Variants in ARHGEF3 observed in about 807,000 individuals in gnomAD.
The protein encoded by ARHGEF3 is Rho guanine nucleotide exchange factor 3.
Under a neutral mutation model 63.2 loss-of-function variants are expected in ARHGEF3, and 28 were observed. That is an observed-to-expected ratio of 0.44 (90% CI 0.33 to 0.61). The LOEUF (loss-of-function observed/expected upper bound fraction) is 0.61. Among genes scored for constraint, ARHGEF3 ranks in the 20% least tolerant of loss-of-function variants. The pLI is 0.03. For synonymous variants in ARHGEF3, 266 were observed against 254.2 expected (o/e 1.05, Z -0.44); for missense variants, 533 against 659.3 (o/e 0.81, Z 2.10).
intron 2 of ARHGEF3, among the ~76,000 whole-genome samples, chr3:57,028,930 A>G (rs1253319741): frequency 6.6e-6 from 1 of 151,410 alleles, no homozygotes; most frequent in Non-Finnish European, 1.5e-5. Context: ...ATCTTCCAAG[A>G]TGTTTTCCAA....
At position 56,935,583 on chromosome 3, in the gene ARHGEF3, A is replaced by G. The variant is rs966465638; in HGVS notation, c.129+23240T>C. Among the ~76,000 whole-genome samples the G allele has an allele frequency of 2.6e-5, 4 of 152,088 alleles. No homozygotes were observed. In the South Asian group the frequency reaches 6.2e-4, roughly 24 times the overall value. ...CTGAGCCCAGCGAGACTACAAGCCC[A>G]CCGGGAGGAACGAACAACTCCAGAC... On this transcript the variant is annotated intron_variant, in intron 3 of 12. Coordinates refer to the ARHGEF3 transcript ENST00000338458.
chr3:57,043,507 C>A (rs1056660057), intron 1 of ARHGEF3, among the ~76,000 whole-genome samples: 10 of 125,138 alleles, frequency 8.0e-5, no homozygotes, highest in Non-Finnish European at 1.4e-4. Context: ...AAAAAAAAAA[C>A]CCTGAGCATT....
chr3:56,987,667 G>A (rs1478525292), intron 2 of ARHGEF3, among the ~76,000 whole-genome samples: 1 of 152,124 alleles, frequency 6.6e-6, no homozygotes, highest in Non-Finnish European at 1.5e-5. Flanking sequence ...CCTGGTAGAA[G>A]CAGAGTTGAT....
chr3:56,768,667 C>CAAAAAAAAAAAAAA (rs770390697), intron 2 of ARHGEF3, among the ~76,000 whole-genome samples: 5 of 44,022 alleles, frequency 1.1e-4, no homozygotes, highest in Admixed American at 2.1e-4. Context: ...AAGCAAAATG[C>CAAAAAAAAAAAAAA]AAAAAAAAAA....
intron 1 of ARHGEF3, among the ~76,000 whole-genome samples, chr3:57,062,069 C>T (rs1353587455): frequency 6.6e-6 from 1 of 152,092 alleles, no homozygotes; most frequent in Non-Finnish European, 1.5e-5. Flanking sequence ...CAGGGATGCT[C>T]CACTGGATTG....
intron 3 of ARHGEF3, among the ~76,000 whole-genome samples, chr3:56,936,537 T>G (rs1698912043): frequency 6.6e-6 from 1 of 152,170 alleles, no homozygotes; most frequent in African/African-American, 2.4e-5. Flanking sequence ...GTGTGCCTCT[T>G]AATAAGATGC....
chr3:56,733,844 C>T (rs548714445), intron 8 of ARHGEF3, among the ~76,000 whole-genome samples: 5 of 151,704 alleles, frequency 3.3e-5, no homozygotes, highest in East Asian at 3.9e-4. Flanking sequence ...ATTAGCGAGG[C>T]GCGGTGGCAG....
chr3:56,997,283 T>A (rs538430863), intron 2 of ARHGEF3, among the ~76,000 whole-genome samples: 4 of 152,252 alleles, frequency 2.6e-5, no homozygotes, highest in East Asian at 3.9e-4. Flanking sequence ...CAACTCTCAA[T>A]TCAGACTTCT....
rs147242229 is a variant in ARHGEF3, at chr3:56,923,388, C to T, written c.129+35435G>A. On this transcript the variant is annotated intron_variant, in intron 3 of 12. Transcript: ENST00000338458. ...CAGAAGAGGAAATTTTTTGGTGTAACGATGGAAACTGGTTCAAATTTTCCT... is the reference window on the plus strand; with the variant it reads ...CAGAAGAGGAAATTTTTTGGTGTAATGATGGAAACTGGTTCAAATTTTCCT... Among the ~76,000 whole-genome samples the T allele has an allele frequency of 6.0e-5, 9 of 150,424 alleles. No homozygotes were observed. The East Asian group carries it at 1.4e-3, about 23-fold the overall frequency.
chr3:57,038,139 C>A (rs1201053802), intron 1 of ARHGEF3, among the ~76,000 whole-genome samples: 1 of 152,194 alleles, frequency 6.6e-6, no homozygotes, highest in Non-Finnish European at 1.5e-5. Context: ...AATAATAAAG[C>A]TGAGACTGGA....
chr3:57,009,021 A>G (rs965649549), intron 2 of ARHGEF3, among the ~76,000 whole-genome samples: 1 of 152,232 alleles, frequency 6.6e-6, no homozygotes, highest in Non-Finnish European at 1.5e-5. Context: ...CCCATGGGCT[A>G]GCATTCTCAA....
rs187059560 is a variant in ARHGEF3, at chr3:56,819,681, T to C, written c.193-45865A>G. 3.2e-3 allele frequency among the ~76,000 whole-genome samples: 486 copies of C among 151,612 alleles called. 1 individual carries two copies. Among genetic ancestry groups the C allele is most frequent in the Non-Finnish European group, 4.0e-3 (273 of 67,876 alleles). On this transcript the variant is annotated intron_variant, in intron 4 of 12. Transcript: ENST00000338458. ...TGCACCACCATGCCTGGCTAATTTTTATTTACTTATTTATTTTTTGTAGAA... is the reference window on the plus strand; with the variant it reads ...TGCACCACCATGCCTGGCTAATTTTCATTTACTTATTTATTTTTTGTAGAA...
intron 2 of ARHGEF3, among the ~76,000 whole-genome samples, chr3:56,766,404 G>A (rs2035704922): frequency 1.3e-5 from 2 of 152,198 alleles, no homozygotes; most frequent in African/African-American, 4.8e-5. Flanking sequence ...GCTACAACTG[G>A]GGGAGGGGAC....
intron 7 of ARHGEF3, among the ~76,000 whole-genome samples, chr3:56,739,637 C>A (rs539985375): frequency 6.6e-6 from 1 of 151,988 alleles, no homozygotes; most frequent in South Asian, 2.1e-4. Context: ...TAGACTCAAG[C>A]GATCTGCCTG....
At chr3:56,798,432 T>A (rs1034993314) in intron 1 of ARHGEF3, among the ~76,000 whole-genome samples, 2 of 152,130 alleles carry the variant, frequency 1.3e-5, no homozygotes, top group Admixed American at 6.5e-5. Flanking sequence ...TGTATTTTGA[T>A]TAAAAATGAA....
chr3:57,073,386 G>A, intron 1 of ARHGEF3: 1 of 309,592 alleles, frequency 3.2e-6, no homozygotes, highest in Non-Finnish European at 6.0e-6. Flanking sequence ...AGGAAAGAGA[G>A]AGAAAGCCAC....
chr3:56,734,465 A>G (rs1366034192), intron 8 of ARHGEF3, among the ~76,000 whole-genome samples: 1 of 152,192 alleles, frequency 6.6e-6, no homozygotes, highest in Non-Finnish European at 1.5e-5. Context: ...AAAACTTCCT[A>G]TCGAGTACTA....
chr3:56,796,207 C>T (rs1392857580), intron 1 of ARHGEF3, among the ~76,000 whole-genome samples: 8 of 152,124 alleles, frequency 5.3e-5, no homozygotes, highest in Admixed American at 5.2e-4. Flanking sequence ...CAGGGCTTTG[C>T]AAAATTAGGT....
intron 3 of ARHGEF3, among the ~76,000 whole-genome samples, chr3:56,917,843 A>T (rs944285362): frequency 1.3e-5 from 2 of 152,218 alleles, no homozygotes; most frequent in Non-Finnish European, 1.5e-5. Context: ...AGGGAATCAC[A>T]CCTGCTTAGA....
Sources: gnomAD v4.1 joint callset for allele counts (sites outside exome capture counted in the v4.1 genomes callset) on GRCh38, gnomAD v4.1.1 for gene constraint, MANE v1.5 for transcripts, NCBI Gene and HGNC (gene_info 2026-07-23, HGNC 2026-07-21) for gene names.